HOMER1: variants seen among roughly 807,000 people sequenced by gnomAD.
HOMER1 encodes the protein homer scaffold protein 1, also known as homer protein homolog 1.
A neutral mutation model predicts 48.9 loss-of-function variants in HOMER1; 3 were observed. The ratio of observed to expected loss-of-function variants is 0.06; its 90% CI spans 0.03 to 0.16. The LOEUF (loss-of-function observed/expected upper bound fraction) is 0.16, where lower values mean the gene tolerates loss of function less well. Ranked by LOEUF, HOMER1 falls within the 10% of genes least tolerant of loss-of-function variation. HOMER1 has a pLI of 1.00. For missense variants in HOMER1, 247 were observed against 411.4 expected (o/e 0.60, Z 3.46); for synonymous variants, 134 against 146.4 (o/e 0.92, Z 0.61).
intron 5 of HOMER1, among the ~76,000 whole-genome samples, chr5:79,410,246 C>T (rs1240351343): frequency 6.6e-6 from 1 of 151,896 alleles, no homozygotes; most frequent in Non-Finnish European, 1.5e-5. Flanking sequence ...AATCCCAGCA[C>T]TTTGGGAGGC....
chr5:79,502,244 T>C (rs1373086910), intron 1 of HOMER1, among the ~76,000 whole-genome samples: 5 of 152,018 alleles, frequency 3.3e-5, no homozygotes, highest in Non-Finnish European at 5.9e-5. Flanking sequence ...GGTCTCGATC[T>C]CCTGACCTGG....
At chr5:79,496,832 AGGTG>A (rs969136310) in intron 1 of HOMER1, among the ~76,000 whole-genome samples, 1 of 152,124 alleles carries the variant, frequency 6.6e-6, no homozygotes, top group Non-Finnish European at 1.5e-5. Flanking sequence ...TGGGAGGCCG[AGGTG>A]GGTGGATCAC....
intron 1 of HOMER1, among the ~76,000 whole-genome samples, chr5:79,475,013 A>T (rs1751723267): frequency 6.6e-6 from 1 of 152,258 alleles, no homozygotes; most frequent in South Asian, 2.1e-4. Flanking sequence ...ATTCAAACTC[A>T]GAAATTTAAA....
intron 1 of HOMER1, among the ~76,000 whole-genome samples, chr5:79,466,499 A>AAAT (rs143679793): frequency 0.32 from 47,081 of 147,884 alleles, 7,860 homozygotes; most frequent in East Asian, 0.64. Flanking sequence ...CCTGTCTCAA[A>AAAT]AATAATAATA....
chr5:79,495,571 C>T (rs1003800074), intron 1 of HOMER1, among the ~76,000 whole-genome samples: 1 of 152,194 alleles, frequency 6.6e-6, no homozygotes, highest in Non-Finnish European at 1.5e-5. Flanking sequence ...GCATGACTCA[C>T]GACACAAATT....
At chr5:79,489,696 A>G (rs1033062342) in intron 1 of HOMER1, among the ~76,000 whole-genome samples, 3 of 152,214 alleles carry the variant, frequency 2.0e-5, no homozygotes, top group African/African-American at 7.2e-5. Context: ...CTTCATCTAC[A>G]TGAAAAATCT....
chr5:79,512,618 C>G, intron 1 of HOMER1, 152 bp downstream of exon 1: 1 of 688,066 alleles, frequency 1.5e-6, no homozygotes, highest in Admixed American at 2.8e-5. Flanking sequence ...GCAAAAATAA[C>G]CTAAAAGGTT....
chr5:79,474,392 T>C (rs1266311966), intron 1 of HOMER1, among the ~76,000 whole-genome samples: 4 of 151,894 alleles, frequency 2.6e-5, no homozygotes, highest in Non-Finnish European at 5.9e-5. Context: ...CCCCCTGTAT[T>C]AGTAATATAG....
intron 8 of HOMER1, among the ~76,000 whole-genome samples, chr5:79,383,641 C>G (rs1749036941): frequency 6.6e-6 from 1 of 152,142 alleles, no homozygotes; most frequent in Admixed American, 6.5e-5. Flanking sequence ...ACCTTGGCCT[C>G]TCAAAGTGCT....
intron 5 of HOMER1, 128 bp from the exon 6 acceptor site, chr5:79,402,183 T>G (rs1395784400): frequency 1.3e-6 from 1 of 763,420 alleles, no homozygotes; most frequent in Non-Finnish European, 2.0e-6. Flanking sequence ...TTTTTTTTTT[T>G]GAGATGGAGT....
intron 8 of HOMER1, among the ~76,000 whole-genome samples, chr5:79,393,178 A>G (rs1412777590): frequency 6.6e-6 from 1 of 152,202 alleles, no homozygotes; most frequent in Non-Finnish European, 1.5e-5. Flanking sequence ...CCAAAAACCT[A>G]TTGAAATAAA....
At chr5:79,401,691 T>A (rs1446359616) in intron 6 of HOMER1, among the ~76,000 whole-genome samples, 1 of 152,230 alleles carries the variant, frequency 6.6e-6, no homozygotes, top group Non-Finnish European at 1.5e-5. Flanking sequence ...ACATGGTTTG[T>A]TGACTTCAAA....
chr5:79,440,690 T>C (rs1030821889), intron 4 of HOMER1, among the ~76,000 whole-genome samples: 5 of 152,184 alleles, frequency 3.3e-5, no homozygotes, highest in African/African-American at 1.2e-4. Context: ...CCATATTAAT[T>C]AGTCAGAAAA....
intron 1 of HOMER1, among the ~76,000 whole-genome samples, chr5:79,472,991 G>A: frequency 6.6e-6 from 1 of 152,116 alleles, no homozygotes; most frequent in East Asian, 1.9e-4. Context: ...TCCTACACAA[G>A]TAATCTTTAA....
intron 5 of HOMER1, among the ~76,000 whole-genome samples, chr5:79,434,408 C>T (rs1232419297): frequency 5.3e-5 from 8 of 151,792 alleles, no homozygotes; most frequent in Admixed American, 5.2e-4. Context: ...ACAAGAATTC[C>T]CTGGAAAGAG....
intron 1 of HOMER1, among the ~76,000 whole-genome samples, chr5:79,469,078 G>A (rs563097513): frequency 1.9e-4 from 29 of 152,112 alleles, no homozygotes; most frequent in Middle Eastern, 3.4e-3. Flanking sequence ...ACCACATAAA[G>A]GTAAATTATG....
At chr5:79,379,115 A>AATATATAT in intron 8 of HOMER1, among the ~76,000 whole-genome samples, 1 of 55,622 alleles carries the variant, frequency 1.8e-5, no homozygotes, top group Non-Finnish European at 3.6e-5. Flanking sequence ...TATATATATA[A>AATATATAT]AATATATAAA....
rs1350355040 is a variant in HOMER1 at position 79,508,832 on chromosome 5, C to G, written c.5+3938G>C. 2.6e-5 allele frequency among the ~76,000 whole-genome samples: 4 copies of G among 152,174 alleles called. No homozygotes were observed. The East Asian group carries it at 7.7e-4, about 29-fold the overall frequency. On this transcript the variant is annotated intron_variant, in intron 1 of 8. Coordinates refer to ENST00000334082, the MANE Select transcript of HOMER1 (RefSeq NM_004272.5). ...TTAATTTTAGGCTTGACTGTCTGCC[C>G]AACTTCCAAAGTATAAACTCACTAA...
At chr5:79,427,391 T>C (rs1185253994) in intron 5 of HOMER1, among the ~76,000 whole-genome samples, 1 of 152,078 alleles carries the variant, frequency 6.6e-6, no homozygotes, top group East Asian at 1.9e-4. Context: ...TATTTGTTTG[T>C]TTTTTGGTTG....
Sources: allele counts gnomAD v4.1 joint callset (sites outside exome capture counted in the v4.1 genomes callset), GRCh38; gene constraint gnomAD v4.1.1; transcripts MANE v1.5; gene names NCBI Gene and HGNC (gene_info 2026-07-23, HGNC 2026-07-21).